Variants in STEAP1B observed in about 807,000 individuals in gnomAD.
STEAP1B encodes the protein STEAP family member 1B.
A neutral mutation model predicts 27.9 loss-of-function variants in STEAP1B; 13 were observed. The ratio of observed to expected loss-of-function variants is 0.47; its 90% CI spans 0.30 to 0.74. STEAP1B has a LOEUF of 0.74. STEAP1B is among the 30% of genes least tolerant of loss of function. STEAP1B has a pLI of 0.06. For synonymous variants in STEAP1B, 86 were observed against 107.1 expected (o/e 0.80, Z 1.22); for missense variants, 250 against 298.7 (o/e 0.84, Z 1.20).
intron 4 of STEAP1B, among the ~76,000 whole-genome samples, chr7:22,455,901 A>C (rs975654210): frequency 6.6e-6 from 1 of 152,240 alleles, no homozygotes; most frequent in Non-Finnish European, 1.5e-5. Flanking sequence ...TAATCCCAGC[A>C]CTTTGGGAGG....
In STEAP1B at chr7:22,493,351, G is replaced by C. The variant is rs371607289; in HGVS notation, c.570C>G (p.Tyr190Ter). 3.7e-6 allele frequency: 6 copies of C among 1,613,508 alleles called. No homozygotes were observed. In the African/African-American group the frequency reaches 4.0e-5, roughly 11 times the overall value. ...LSYAMRRSYR[Y>*]KLLNWAYQQV... ...GTTGATATGCCCAGTTTAGCAACTT[G>C]TATCTGTAGGATCGCCTCATTGCGT... is the stretch of plus-strand genomic sequence containing the variant. Residue 190 changes from tyrosine (Y) to a stop codon, truncating the protein, a stop_gained, in exon 3 of 5, where the codon TAC becomes TAG. Transcript: ENST00000678116. LOFTEE classifies it high-confidence loss of function.
At chr7:22,457,741 A>C (rs1288159342) in intron 4 of STEAP1B, among the ~76,000 whole-genome samples, 1 of 152,262 alleles carries the variant, frequency 6.6e-6, no homozygotes, top group Admixed American at 6.5e-5. Flanking sequence ...AGAGAACTAG[A>C]AAACCTATGG....
chr7:22,456,972 A>ATATATATTTTTTTT, intron 4 of STEAP1B, among the ~76,000 whole-genome samples: 3 of 57,044 alleles, frequency 5.3e-5, no homozygotes, highest in African/African-American at 2.1e-4. Flanking sequence ...ATATATATAT[A>ATATATATTTTTTTT]TTTTTTTTTT....
intron 4 of STEAP1B, among the ~76,000 whole-genome samples, chr7:22,433,848 T>C (rs1161479733): frequency 6.6e-6 from 1 of 152,210 alleles, no homozygotes. Flanking sequence ...TGAACATGTG[T>C]GTATACGTAT....
intron 4 of STEAP1B, among the ~76,000 whole-genome samples, chr7:22,443,248 T>C (rs758333266): frequency 1.3e-5 from 2 of 152,198 alleles, no homozygotes; most frequent in Non-Finnish European, 1.5e-5. Context: ...CATTCCTTTT[T>C]AAAGACCCAG....
At chr7:22,465,961 C>A (rs1785772440) in intron 4 of STEAP1B, among the ~76,000 whole-genome samples, 1 of 152,150 alleles carries the variant, frequency 6.6e-6, no homozygotes, top group Non-Finnish European at 1.5e-5. Flanking sequence ...TTCCACGGGA[C>A]AGGCCTGGGG....
chr7:22,448,661 G>C (rs946369550), intron 4 of STEAP1B, among the ~76,000 whole-genome samples: 2 of 152,088 alleles, frequency 1.3e-5, no homozygotes, highest in Non-Finnish European at 2.9e-5. Context: ...ATAAAATCAG[G>C]AGAGGTATAC....
intron 4 of STEAP1B, among the ~76,000 whole-genome samples, chr7:22,477,304 CTAAACTTT>C (rs963504672): frequency 6.6e-6 from 1 of 152,232 alleles, no homozygotes; most frequent in Non-Finnish European, 1.5e-5. Context: ...TGAACTTGAT[CTAAACTTT>C]TATTATTGAT....
At chr7:22,462,361 A>C (rs923887831) in intron 4 of STEAP1B, among the ~76,000 whole-genome samples, 5 of 130,390 alleles carry the variant, frequency 3.8e-5, no homozygotes, top group African/African-American at 8.7e-5. Context: ...AGGTATATCT[A>C]CCAATGCTAT....
intron 4 of STEAP1B, among the ~76,000 whole-genome samples, chr7:22,489,414 G>A (rs1786279047): frequency 6.6e-6 from 1 of 152,172 alleles, no homozygotes; most frequent in Non-Finnish European, 1.5e-5. Context: ...GCACCATTAT[G>A]GGTTGAATTC....
At chr7:22,482,042 C>T (rs1292435979) in intron 4 of STEAP1B, among the ~76,000 whole-genome samples, 1 of 152,192 alleles carries the variant, frequency 6.6e-6, no homozygotes, top group Admixed American at 6.5e-5. Flanking sequence ...GACTGCTCCC[C>T]ACAGGGGCCA....
chr7:22,496,475 C>G (rs1233075226), intron 1 of STEAP1B, among the ~76,000 whole-genome samples: 1 of 152,196 alleles, frequency 6.6e-6, no homozygotes, highest in Non-Finnish European at 1.5e-5. Context: ...TACTCACTCA[C>G]TGACTCACCC....
At chr7:22,486,324 G>A (rs1289732410) in intron 4 of STEAP1B, among the ~76,000 whole-genome samples, 1 of 152,178 alleles carries the variant, frequency 6.6e-6, no homozygotes, top group East Asian at 1.9e-4. Context: ...TTCTGTGTCT[G>A]GAAGGCCAAA....
intron 4 of STEAP1B, among the ~76,000 whole-genome samples, chr7:22,474,335 C>A (rs367590124): frequency 1.3e-5 from 2 of 152,168 alleles, no homozygotes; most frequent in African/African-American, 4.8e-5. Flanking sequence ...AATACTGATG[C>A]CTGGTACCTA....
intron 1 of STEAP1B, among the ~76,000 whole-genome samples, chr7:22,499,859 T>C (rs1035663683): frequency 1.4e-4 from 22 of 152,302 alleles, no homozygotes; most frequent in African/African-American, 4.8e-4. Flanking sequence ...GCGAAAAGGC[T>C]TCCTCTGAGT....
At chr7:22,450,539 T>C (rs1785470625) in intron 4 of STEAP1B, among the ~76,000 whole-genome samples, 1 of 152,170 alleles carries the variant, frequency 6.6e-6, no homozygotes, top group South Asian at 2.1e-4. Context: ...ACTATGTGTC[T>C]GTTTTTATGC....
intron 4 of STEAP1B, among the ~76,000 whole-genome samples, chr7:22,464,948 C>CATATATATGTATATAT (rs1785748074): frequency 4.4e-5 from 2 of 45,012 alleles, no homozygotes; most frequent in Admixed American, 6.2e-4. Flanking sequence ...TACCAAACCC[C>CATATATATGTATATAT]ATATATATAT....
rs777514155 is a variant in STEAP1B, at chr7:22,494,797, C to A, written c.59G>T (p.Arg20Ile). 6.3e-7 allele frequency: 1 copy of A among 1,579,960 alleles called. No individual in the cohort carries two copies. The highest frequency in any genetic ancestry group is 1.8e-5 in the Admixed American group (1 of 56,398). Residue 20 changes from arginine to isoleucine, a missense_variant, in exon 2 of 5, where the codon AGA becomes ATA. By Grantham distance (97) the Arg-to-Ile change is moderately conservative (BLOSUM62 -3). Transcript: ENST00000678116. ...QEEIWKMKPR[R>I]NLEDNDYLHE... The stretch of plus-strand genomic sequence containing the variant: ...CAAATAATCGTTGTCTTCTAAATTT[C>A]TCCTAGGCTTCATTTTCCAAATTTC...
intron 4 of STEAP1B, among the ~76,000 whole-genome samples, chr7:22,482,952 A>G (rs1420774952): frequency 1.3e-5 from 2 of 152,098 alleles, no homozygotes; most frequent in Admixed American, 1.3e-4. Flanking sequence ...GGCTTCCAAA[A>G]ATAAAATGAG....
Sources: allele counts gnomAD v4.1 joint callset (sites outside exome capture counted in the v4.1 genomes callset), GRCh38; gene constraint gnomAD v4.1.1; transcripts MANE v1.5; gene names NCBI Gene and HGNC (gene_info 2026-07-23, HGNC 2026-07-21).